ZNF257: variants seen among roughly 807,000 people sequenced by gnomAD.
ZNF257 encodes zinc finger protein 257, also known as bone marrow zinc finger 4.
A neutral mutation model predicts 11.9 loss-of-function variants in ZNF257; 12 were observed. The ratio of observed to expected loss-of-function variants is 1.01; its 90% CI spans 0.65 to 1.63. The LOEUF (loss-of-function observed/expected upper bound fraction) is 1.63, where lower values mean the gene tolerates loss of function less well. Among genes scored for constraint, ZNF257 ranks in the 40% most tolerant of loss-of-function variants. ZNF257 has a pLI of 0.00. For synonymous variants in ZNF257, 183 were observed against 222.7 expected, an observed-to-expected ratio of 0.82 and a Z score of 1.59; for missense variants, 580 against 665.5, an observed-to-expected ratio of 0.87 and a Z score of 1.41.
chr19:22,069,300 G>A (rs763016110), intron 1 of ZNF257, among the ~76,000 whole-genome samples: 6 of 152,190 alleles, frequency 3.9e-5, no homozygotes, highest in Middle Eastern at 3.4e-3. Context: ...TATTTGGGCC[G>A]TAAGTAACCC....
At chr19:22,084,849 C>T (rs2022439504) in intron 3 of ZNF257, among the ~76,000 whole-genome samples, 1 of 151,170 alleles carries the variant, frequency 6.6e-6, no homozygotes, top group Non-Finnish European at 1.5e-5. Context: ...CGTGCTTTAG[C>T]CTGCTGAGTA....
chr19:22,070,307 T>A (rs1177048687), intron 1 of ZNF257, among the ~76,000 whole-genome samples: 1 of 139,342 alleles, frequency 7.2e-6, no homozygotes, highest in African/African-American at 3.2e-5. Context: ...ATCCCTCTCA[T>A]CTATCTATTT....
rs1362754061 is a variant in ZNF257 at position 22,090,803 on chromosome 19, T to C, written c.*1361T>C. 6.6e-6 allele frequency: 1 copy of C among 152,154 alleles called. No individual in the cohort carries two copies. Among genetic ancestry groups the C allele is most frequent in the Non-Finnish European group, 1.5e-5 (1 of 68,012 alleles). The allele number at this position is 152,154 out of a possible 1,614,324, so 9.4% of individuals were successfully genotyped here. ...CTTCATGCTGTTTCTTCATTTCTAT[T>C]GTATTCACCTGTGAAAGCATGTGAT... On this transcript the variant is annotated 3_prime_UTR_variant, in exon 4 of 4. Transcript: ENST00000594947.
chr19:22,076,775 G>T lies in ZNF257; in HGVS notation c.226+3211G>T, dbSNP rs139498146. Reference sequence around the variant, plus strand: ...ATGATTTCAGCTCACTGCAACCTCCGCCTCCCGGGTTCACGCCATTCTCCT... The same window carrying T: ...ATGATTTCAGCTCACTGCAACCTCCTCCTCCCGGGTTCACGCCATTCTCCT... On this transcript the variant is annotated intron_variant, in intron 3 of 3. Transcript: ENST00000594947. 7.7e-3 allele frequency among the ~76,000 whole-genome samples: 1,177 copies of T among 152,156 alleles called. 12 individuals carry two copies. Among genetic ancestry groups the T allele is most frequent in the African/African-American group, 0.027 (1,104 of 41,474 alleles).
Position 22,088,184 on chromosome 19 carries a change from A to T in ZNF257, c.434A>T (p.Tyr145Phe), listed in dbSNP as rs188101230. 3.1e-6 allele frequency: 5 copies of T among 1,608,532 alleles called. No homozygotes were observed. The highest frequency in any genetic ancestry group is 2.2e-5 in the East Asian group (1 of 44,818). The change falls in exon 4 of 4, where the codon TAT (tyrosine) becomes TTT (phenylalanine). Residue 145 changes from tyrosine to phenylalanine, a missense_variant. Tyr to Phe is a conservative substitution (Grantham distance 22). Coordinates refer to ENST00000594947, the MANE Select transcript of ZNF257 (RefSeq NM_033468.4). ...QCLITTQSKM[Y>F]QCDKYVKVFY... ...CTGATAACTACCCAGAGCAAAATGT[A>T]TCAATGTGATAAATATGTAAAAGTC...
chr19:22,087,296 C>T (rs183573737), intron 3 of ZNF257, among the ~76,000 whole-genome samples: 189 of 151,756 alleles, frequency 1.2e-3, no homozygotes, highest in African/African-American at 4.2e-3. Context: ...TAGTCTAAAA[C>T]CAGTTGTCAT....
At chr19:22,068,606 C>CAGT (rs766607377) in intron 1 of ZNF257, among the ~76,000 whole-genome samples, 23 of 152,208 alleles carry the variant, frequency 1.5e-4, no homozygotes, top group Non-Finnish European at 3.2e-4. Context: ...AAGTCTTGTC[C>CAGT]AGTGACCTGC....
At chr19:22,083,751 C>A (rs1806343358) in intron 3 of ZNF257, among the ~76,000 whole-genome samples, 1 of 152,140 alleles carries the variant, frequency 6.6e-6, no homozygotes, top group South Asian at 2.1e-4. Context: ...ATATCTCATA[C>A]AATCTCTGTC....
chr19:22,075,611 C>G (rs2022208003), intron 3 of ZNF257: 1 of 152,224 alleles, frequency 6.6e-6, no homozygotes, highest in Non-Finnish European at 1.5e-5. Flanking sequence ...CATTTCCTGT[C>G]CTGTAGCCAA....
At chr19:22,055,927 C>A (rs1047075597) in intron 1 of ZNF257, among the ~76,000 whole-genome samples, 2 of 151,782 alleles carry the variant, frequency 1.3e-5, no homozygotes, top group African/African-American at 2.4e-5. Flanking sequence ...ATGTAGCAGG[C>A]GCCTGTAGTC....
intron 3 of ZNF257, among the ~76,000 whole-genome samples, chr19:22,076,780 C>T (rs1032583828): frequency 1.3e-5 from 2 of 152,134 alleles, no homozygotes; most frequent in African/African-American, 4.8e-5. Context: ...CCTCCGCCTC[C>T]CGGGTTCACG....
At chr19:22,055,402 C>T (rs891040206) in intron 1 of ZNF257, among the ~76,000 whole-genome samples, 8 of 152,028 alleles carry the variant, frequency 5.3e-5, no homozygotes, top group Admixed American at 4.6e-4. Context: ...TACAGGGTTT[C>T]GCCATGTTGG....
intron 1 of ZNF257, among the ~76,000 whole-genome samples, chr19:22,055,822 T>C (rs1476626802): frequency 1.3e-5 from 2 of 151,920 alleles, no homozygotes; most frequent in Non-Finnish European, 1.5e-5. Context: ...TCCCAGCACT[T>C]TGGGAGGCCA....
In ZNF257 at chr19:22,059,730, A is replaced by G. The variant is rs547190750; in HGVS notation, c.3+7095A>G. On this transcript the variant is annotated intron_variant, in intron 1 of 3. Coordinates refer to ENST00000594947, the MANE Select transcript of ZNF257 (RefSeq NM_033468.4). ...TTTATTAAATCTTTTATTTTATTTT[A>G]TTTATATTTGAAGAAAGGGTCTTAC... is the stretch of plus-strand genomic sequence containing the variant. Among the ~76,000 whole-genome samples, 3 of 123,462 alleles carry G rather than the reference A, an allele frequency of 2.4e-5. No individual in the cohort carries two copies. The South Asian group carries it at 7.5e-4, about 31-fold the overall frequency. 81.0% of individuals were successfully genotyped at this position (123,462 alleles called of 152,430 possible).
In ZNF257 at chr19:22,090,317, A is replaced by G. The variant is rs1050547399; in HGVS notation, c.*875A>G. ...TGCTTTTACTTGTATCACAGATTTTATTGTACACATTTTGTACTAGAGAAT... is the reference window on the plus strand; with the variant it reads ...TGCTTTTACTTGTATCACAGATTTTGTTGTACACATTTTGTACTAGAGAAT... On this transcript the variant is annotated 3_prime_UTR_variant, in exon 4 of 4. Transcript: ENST00000594947. The G allele has an allele frequency of 6.6e-6, 1 of 152,134 alleles. No individual in the cohort carries two copies. Among genetic ancestry groups the G allele is most frequent in the Non-Finnish European group, 1.5e-5 (1 of 67,992 alleles). The allele number at this position is 152,134 out of a possible 1,614,324, so 9.4% of individuals were successfully genotyped here.
chr19:22,089,194 A>G lies in ZNF257; in HGVS notation c.1444A>G (p.Thr482Ala), dbSNP rs375298340. The change falls in exon 4 of 4, where the codon ACT (threonine) becomes GCT (alanine). Residue 482 changes from threonine to alanine, a missense_variant. By Grantham distance (58) the Thr-to-Ala change is moderately conservative (BLOSUM62 0). Transcript: ENST00000594947. ...CCTTACTCAACATAAAATAATTCAT[A>G]CTGGGGAGAAGCCCTACAAATGTGA... ...SHLTQHKIIH[T>A]GEKPYKCEEC... is the part of the protein sequence containing the mutation. 32 of 1,613,720 alleles carry G rather than the reference A, an allele frequency of 2.0e-5. No homozygotes were observed. In the African/African-American group the frequency reaches 3.1e-4, roughly 15 times the overall value.
At chr19:22,062,913 G>A (rs7252380) in intron 1 of ZNF257, among the ~76,000 whole-genome samples, 20,003 of 152,152 alleles carry the variant, frequency 0.13, 1,489 homozygotes, top group Middle Eastern at 0.2. Context: ...TACTTTTAGC[G>A]GAAATGGTAC....
chr19:22,077,186 G>A (rs879581304), intron 3 of ZNF257, among the ~76,000 whole-genome samples: 1 of 152,210 alleles, frequency 6.6e-6, no homozygotes, highest in African/African-American at 2.4e-5. Context: ...AGGCATGGGG[G>A]TATGCACCTG....
chr19:22,073,169 A>G (rs767245357), intron 2 of ZNF257, among the ~76,000 whole-genome samples: 1 of 152,080 alleles, frequency 6.6e-6, no homozygotes, highest in Non-Finnish European at 1.5e-5. Flanking sequence ...TGCTGAGCTG[A>G]TCTGTATCCC....
Sources: allele counts gnomAD v4.1 joint callset (sites outside exome capture counted in the v4.1 genomes callset), GRCh38; gene constraint gnomAD v4.1.1; transcripts MANE v1.5; gene names NCBI Gene and HGNC (gene_info 2026-07-23, HGNC 2026-07-21).